Variants in LRBA observed in about 807,000 individuals in gnomAD.
LRBA encodes the protein LPS responsive beige-like anchor protein.
LRBA carries 176 observed loss-of-function variants against 330.0 expected under a neutral mutation model. The ratio of observed to expected loss-of-function variants is 0.53; its 90% CI spans 0.47 to 0.60. The LOEUF (loss-of-function observed/expected upper bound fraction) is 0.60. LRBA is among the 20% of genes least tolerant of loss of function. The pLI, the probability that LRBA is intolerant of heterozygous loss-of-function variation, is 0.00. For missense variants in LRBA, 3,259 were observed against 3,444.8 expected (o/e 0.95, Z 1.35); for synonymous variants, 1,230 against 1,193.0 (o/e 1.03, Z -0.64).
At chr4:150,450,475 A>G (rs1403620756) in intron 44 of LRBA, among the ~76,000 whole-genome samples, 1 of 151,996 alleles carries the variant, frequency 6.6e-6, no homozygotes, top group Non-Finnish European at 1.5e-5. Context: ...CACAACTCTA[A>G]TATCTCCTTC....
At chr4:150,891,514 CAGCTGAA>C (rs1729457780) in intron 17 of LRBA, among the ~76,000 whole-genome samples, 1 of 152,060 alleles carries the variant, frequency 6.6e-6, no homozygotes, top group South Asian at 2.1e-4. Context: ...GGACCTTATC[CAGCTGAA>C]AGCCTAACAG....
At position 150,848,852 on chromosome 4, in the gene LRBA, T is replaced by C; in HGVS notation, c.4305A>G (p.Ser1435=). The change falls in exon 26 of 57, where the codon TCA becomes TCG. Residue 1435 remains serine (S), a synonymous_variant. Coordinates refer to ENST00000651943, the MANE Select transcript of LRBA (RefSeq NM_001364905.1). The part of the protein sequence containing the change: ...FTEIEAEKSM[S]SGGILRQCLR... ...GACACTGCCGCAAAATTCCTCCAGA[T>C]GACATACTTTTTTCAGCTTCAATTT... 1 of 1,611,178 alleles carries C rather than the reference T, an allele frequency of 6.2e-7. No individual in the cohort carries two copies. Among genetic ancestry groups the C allele is most frequent in the Non-Finnish European group, 8.5e-7 (1 of 1,178,586 alleles).
At chr4:150,572,892 T>C (rs1182717480) in intron 40 of LRBA, among the ~76,000 whole-genome samples, 2 of 152,132 alleles carry the variant, frequency 1.3e-5, no homozygotes, top group Non-Finnish European at 2.9e-5. Context: ...GAAAAATCAA[T>C]AGCCTACTTG....
intron 40 of LRBA, among the ~76,000 whole-genome samples, chr4:150,553,689 TAGA>T (rs1342931472): frequency 6.6e-6 from 1 of 151,840 alleles, no homozygotes; most frequent in Non-Finnish European, 1.5e-5. Context: ...AGATGGGGGG[TAGA>T]AGGAGTCAAA....
At chr4:150,544,657 G>A (rs1199606560) in intron 40 of LRBA, among the ~76,000 whole-genome samples, 5 of 152,090 alleles carry the variant, frequency 3.3e-5, no homozygotes, top group Non-Finnish European at 7.3e-5. Flanking sequence ...CTGTTGGCAT[G>A]TAAGCTCTGT....
intron 14 of LRBA, among the ~76,000 whole-genome samples, chr4:150,898,654 AT>A (rs1730378313): frequency 6.9e-5 from 2 of 29,150 alleles, no homozygotes; most frequent in African/African-American, 8.5e-5. Context: ...ACAAAAAAAA[AT>A]AATAAGACTA....
At chr4:150,714,192 C>T (rs1346707845) in intron 36 of LRBA, among the ~76,000 whole-genome samples, 2 of 152,114 alleles carry the variant, frequency 1.3e-5, no homozygotes, top group Admixed American at 1.3e-4. Flanking sequence ...ACTGAATTCC[C>T]TTTATGTGGA....
intron 31 of LRBA, among the ~76,000 whole-genome samples, chr4:150,813,878 T>C (rs1309371713): frequency 6.6e-6 from 1 of 152,100 alleles, no homozygotes; most frequent in East Asian, 1.9e-4. Context: ...GATTAAGCTA[T>C]GTTGTTTGGT....
chr4:150,850,588 A>T, intron 24 of LRBA, 136 bp downstream of exon 24: 1 of 488,766 alleles, frequency 2.0e-6, no homozygotes, highest in Middle Eastern at 5.4e-4. Flanking sequence ...GAATTCAGTA[A>T]AACCCTACCA....
intron 40 of LRBA, among the ~76,000 whole-genome samples, chr4:150,535,700 C>G (rs1419628912): frequency 1.3e-5 from 2 of 152,092 alleles, no homozygotes; most frequent in African/African-American, 2.4e-5. Context: ...AGATAGAAAA[C>G]ATCTGTAAAC....
chr4:150,518,559 C>T (rs770086731), intron 40 of LRBA, among the ~76,000 whole-genome samples: 1 of 151,962 alleles, frequency 6.6e-6, no homozygotes, highest in Non-Finnish European at 1.5e-5. Context: ...CCTACTTTAA[C>T]GTTTGCAAAA....
intron 40 of LRBA, among the ~76,000 whole-genome samples, chr4:150,563,617 T>C (rs1214103734): frequency 6.6e-6 from 1 of 152,176 alleles, no homozygotes; most frequent in Non-Finnish European, 1.5e-5. Flanking sequence ...GACGACATGA[T>C]TGTATATGTA....
At chr4:150,608,430 A>T (rs1008194258) in intron 37 of LRBA, among the ~76,000 whole-genome samples, 6 of 152,226 alleles carry the variant, frequency 3.9e-5, no homozygotes, top group African/African-American at 1.4e-4. Context: ...CTTACAGTCA[A>T]TAAGATAATG....
At chr4:150,397,786 T>C (rs1291413730) in intron 47 of LRBA, among the ~76,000 whole-genome samples, 1 of 152,202 alleles carries the variant, frequency 6.6e-6, no homozygotes, top group Non-Finnish European at 1.5e-5. Flanking sequence ...GCCTCAAGTT[T>C]CTAATCTACA....
At chr4:150,345,613 G>C (rs747431974) in intron 48 of LRBA, among the ~76,000 whole-genome samples, 1 of 152,124 alleles carries the variant, frequency 6.6e-6, no homozygotes, top group Non-Finnish European at 1.5e-5. Context: ...CTGTAGAGTG[G>C]GCATTATCGT....
chr4:150,898,568 A>G (rs1256149031), intron 14 of LRBA, among the ~76,000 whole-genome samples: 1 of 152,150 alleles, frequency 6.6e-6, no homozygotes, highest in East Asian at 1.9e-4. Flanking sequence ...ACCAAAGCAT[A>G]GGACCACCAT....
intron 36 of LRBA, among the ~76,000 whole-genome samples, chr4:150,712,651 G>A (rs1786336728): frequency 6.6e-6 from 1 of 152,078 alleles, no homozygotes; most frequent in Non-Finnish European, 1.5e-5. Flanking sequence ...CACCAAAAAA[G>A]TTCCTGAATA....
intron 47 of LRBA, among the ~76,000 whole-genome samples, chr4:150,359,510 G>A (rs796255994): frequency 1.3e-5 from 2 of 152,170 alleles, no homozygotes; most frequent in South Asian, 4.1e-4. Context: ...GGAATTTTGG[G>A]TGATCAGTTT....
rs966352066 is a variant in LRBA, at chr4:150,953,489, G to T, written c.217-24424C>A. Among the ~76,000 whole-genome samples, 4 of 151,884 alleles carry T rather than the reference G, an allele frequency of 2.6e-5. No homozygotes were observed. In the East Asian group the frequency reaches 5.9e-4, roughly 22 times the overall value. On this transcript the variant is annotated intron_variant, in intron 2 of 56. Transcript: ENST00000651943. ...GCCTGATTCTCCTGCCTCAGCCTGG[G>T]AGTGCCTGGGATTGCAGGTGCGCAC... is the stretch of plus-strand genomic sequence containing the variant.
Sources: gnomAD v4.1 joint callset for allele counts (sites outside exome capture counted in the v4.1 genomes callset) on GRCh38, gnomAD v4.1.1 for gene constraint, MANE v1.5 for transcripts, NCBI Gene and HGNC (gene_info 2026-07-23, HGNC 2026-07-21) for gene names.